The following GOLT1B variants were observed in gnomAD, a reference collection of about 807,000 sequenced individuals.
GOLT1B encodes the protein golgi transport 1B, also known as vesicle transport protein GOT1B.
In GOLT1B, 3 loss-of-function variants were observed where a neutral mutation model predicts 15.4. That is an observed-to-expected ratio of 0.19 (90% CI 0.09 to 0.50). GOLT1B has a LOEUF of 0.50. Among genes scored for constraint, GOLT1B ranks in the 20% least tolerant of loss-of-function variants. GOLT1B has a pLI of 0.97. For missense variants in GOLT1B, 145 were observed against 160.4 expected (o/e 0.90, Z 0.52); for synonymous variants, 65 against 56.2 (o/e 1.16, Z -0.70).
intron 4 of GOLT1B, among the ~76,000 whole-genome samples, chr12:21,513,501 CTTTG>C (rs1943734927): frequency 6.6e-6 from 1 of 151,256 alleles, no homozygotes; most frequent in Admixed American, 6.6e-5. Flanking sequence ...CTGTTTTTTT[CTTTG>C]TTTTTGTTTT....
chr12:21,504,395 C>G (rs1444296080), intron 1 of GOLT1B, among the ~76,000 whole-genome samples: 1 of 152,160 alleles, frequency 6.6e-6, no homozygotes, highest in Non-Finnish European at 1.5e-5. Flanking sequence ...AGACTTTTGA[C>G]CAGTGTGGAT....
In GOLT1B at chr12:21,515,927, G is replaced by A; in HGVS notation, c.*220G>A. ...AAGAAGAAGTCAGCAAGCAAACTGA[G>A]AGAGGTGAAATCCATGTTAATGATG... On this transcript the variant is annotated 3_prime_UTR_variant, in exon 5 of 5. Transcript: ENST00000229314. 8 of 440,250 alleles carry A rather than the reference G, an allele frequency of 1.8e-5. No individual in the cohort carries two copies. Among genetic ancestry groups the A allele is most frequent in the Non-Finnish European group, 3.2e-5 (8 of 252,550 alleles). The allele number at this position is 440,250 out of a possible 1,614,324, so 27.3% of individuals were successfully genotyped here.
At chr12:21,501,988 C>T (rs779125799) in intron 1 of GOLT1B, 40 bp downstream of exon 1, 3 of 1,487,738 alleles carry the variant, frequency 2.0e-6, no homozygotes, top group Admixed American at 3.4e-5. Flanking sequence ...GAGCCGCGCA[C>T]ACCCATCGCC....
At chr12:21,506,779 T>C (rs1487474779) in intron 1 of GOLT1B, 106 bp from the exon 2 acceptor site, 1 of 547,450 alleles carries the variant, frequency 1.8e-6, no homozygotes, top group African/African-American at 1.9e-5. Flanking sequence ...TGGGTACCTG[T>C]TTTCTTATAC....
chr12:21,518,085 GA>G lies in GOLT1B; in HGVS notation c.*2379del, dbSNP rs1231247581. 1 of 152,428 alleles carries G rather than the reference GA, an allele frequency of 6.6e-6. No individual in the cohort carries two copies. Among genetic ancestry groups the G allele is most frequent in the East Asian group, 1.9e-4 (1 of 5,194 alleles). The allele number at this position is 152,428 out of a possible 1,614,324, so 9.4% of individuals were successfully genotyped here. A position where few individuals can be genotyped will look rare whatever the true frequency, so the allele number is the denominator to read the frequency against. On this transcript the variant is annotated 3_prime_UTR_variant, in exon 5 of 5. Transcript: ENST00000229314. ...GCTGCTTTAAAAAGTCCCACTGTCA[GA>G]TTATATTATCTAACAATTGAATATT... is the stretch of plus-strand genomic sequence containing the variant.
rs1317306219 is a variant in GOLT1B, at chr12:21,508,897, A to ATAGC, written c.296+339_296+340insCTAG. On this transcript the variant is annotated intron_variant, in intron 3 of 4. Coordinates refer to ENST00000229314, the MANE Select transcript of GOLT1B (RefSeq NM_016072.5). ...AATCGGTAGGTAGGTAGGTAGATAG[A>ATAGC]TAGATAGATAGATAGATAGATAGAT... is the stretch of plus-strand genomic sequence containing the variant. 6.2e-5 allele frequency among the ~76,000 whole-genome samples: 7 copies of ATAGC among 112,144 alleles called. No homozygotes were observed. The East Asian group carries it at 2.8e-3, about 45-fold the overall frequency. 73.6% of individuals were successfully genotyped at this position (112,144 alleles called of 152,430 possible). A position where few individuals can be genotyped will look rare whatever the true frequency, so the allele number is the denominator to read the frequency against.
intron 3 of GOLT1B, among the ~76,000 whole-genome samples, chr12:21,509,396 C>CAAAAAAAAA (rs71053318): frequency 6.8e-5 from 5 of 74,036 alleles, no homozygotes; most frequent in African/African-American, 2.8e-4. Context: ...GACTCTGTCT[C>CAAAAAAAAA]AAAAAAAAAA....
intron 2 of GOLT1B, chr12:21,507,849 A>G (rs970728598): frequency 1.2e-5 from 5 of 414,148 alleles, no homozygotes; most frequent in Admixed American, 8.7e-5. Context: ...TGCTGCCACC[A>G]GATATTCTAG....
At chr12:21,502,042 T>A in intron 1 of GOLT1B, 94 bp downstream of exon 1, 1 of 904,698 alleles carries the variant, frequency 1.1e-6, no homozygotes. Context: ...AATGAAGCTC[T>A]GGGTTGGGGG....
At position 21,503,120 on chromosome 12, in the gene GOLT1B, G is replaced by A. The variant is rs762318551; in HGVS notation, c.25+1172G>A. Among the ~76,000 whole-genome samples, 9 of 152,298 alleles carry A rather than the reference G, an allele frequency of 5.9e-5. No homozygotes were observed. The South Asian group carries it at 1.5e-3, about 25-fold the overall frequency. ...GGTTGCCGCCCACTTTGGTCCATTG[G>A]CCTGGCCTGTTCTGATCAAAGAAAA... is the stretch of plus-strand genomic sequence containing the variant. On this transcript the variant is annotated intron_variant, in intron 1 of 4. Coordinates refer to ENST00000229314, the MANE Select transcript of GOLT1B (RefSeq NM_016072.5).
intron 4 of GOLT1B, 29 bp downstream of exon 4, chr12:21,512,405 C>A (rs367921697): frequency 2.0e-6 from 2 of 988,194 alleles, no homozygotes; most frequent in East Asian, 2.4e-5. Flanking sequence ...TTTAGGCCAA[C>A]AAAATACGTA....
In GOLT1B at chr12:21,516,573, CATGTCATG is replaced by C. The variant is rs1943757311; in HGVS notation, c.*871_*878del. On this transcript the variant is annotated 3_prime_UTR_variant, in exon 5 of 5. Coordinates refer to ENST00000229314, the MANE Select transcript of GOLT1B (RefSeq NM_016072.5). ...TGATGCAAACCAAATGGATTTTTTCCATGTCATGATGTAATTTTTCTTTCTTCTTTCTT... is the reference window on the plus strand; with the variant it reads ...TGATGCAAACCAAATGGATTTTTTCCATGTAATTTTTCTTTCTTCTTTCTT... 1 of 151,842 alleles carries C rather than the reference CATGTCATG, an allele frequency of 6.6e-6. No individual in the cohort carries two copies. Among genetic ancestry groups the C allele is most frequent in the African/African-American group, 2.4e-5 (1 of 41,370 alleles). 9.4% of individuals were successfully genotyped at this position (151,842 alleles called of 1,614,324 possible). A position where few individuals can be genotyped will look rare whatever the true frequency, so the allele number is the denominator to read the frequency against.
rs551539207 is a variant in GOLT1B, at chr12:21,517,389, A to G, written c.*1682A>G. ...ATAATAAGAGGCTACTGTTGTGTCT[A>G]ATGTTCTTCAAAAAAGTAATATCCT... On this transcript the variant is annotated 3_prime_UTR_variant, in exon 5 of 5. Coordinates refer to ENST00000229314, the MANE Select transcript of GOLT1B (RefSeq NM_016072.5). 6.6e-6 allele frequency: 1 copy of G among 152,542 alleles called. No individual in the cohort carries two copies. The highest frequency in any genetic ancestry group is 2.4e-5 in the African/African-American group (1 of 41,544). 9.4% of individuals were successfully genotyped at this position (152,542 alleles called of 1,614,324 possible). A position where few individuals can be genotyped will look rare whatever the true frequency, so the allele number is the denominator to read the frequency against.
At position 21,515,758 on chromosome 12, in the gene GOLT1B, C is replaced by T; in HGVS notation, c.*51C>T. 2.4e-6 allele frequency: 2 copies of T among 825,144 alleles called. No homozygotes were observed. Among genetic ancestry groups the T allele is most frequent in the South Asian group, 1.5e-5 (1 of 65,468 alleles). The allele number at this position is 825,144 out of a possible 1,614,324, so 51.1% of individuals were successfully genotyped here. ...TAAAATATTGTGTTATTTATAAAGT[C>T]ATTTGAAGAATATTCAGCACAAAAT... On this transcript the variant is annotated 3_prime_UTR_variant, in exon 5 of 5. Coordinates refer to ENST00000229314, the MANE Select transcript of GOLT1B (RefSeq NM_016072.5).
rs1943751186 is a variant in GOLT1B, at chr12:21,515,735, A to T, written c.*28A>T. The T allele has an allele frequency of 1.0e-6, 1 of 986,296 alleles. No homozygotes were observed. The highest frequency in any genetic ancestry group is 2.0e-5 in the Admixed American group (1 of 50,968). The allele number at this position is 986,296 out of a possible 1,614,324, so 61.1% of individuals were successfully genotyped here. ...ACAAGTGAATTTGAAGACTCATTTA[A>T]AATATTGTGTTATTTATAAAGTCAT... On this transcript the variant is annotated 3_prime_UTR_variant, in exon 5 of 5. Coordinates refer to ENST00000229314, the MANE Select transcript of GOLT1B (RefSeq NM_016072.5).
chr12:21,508,301 A>G, intron 2 of GOLT1B, 82 bp from the exon 3 acceptor site: 3 of 826,396 alleles, frequency 3.6e-6, no homozygotes, highest in Admixed American at 3.1e-5. Context: ...TTCTTTTTTT[A>G]TATTTAGCTT....
At position 21,506,961 on chromosome 12, in the gene GOLT1B, A is replaced by T; in HGVS notation, c.102A>T (p.Leu34=). 1 of 1,366,136 alleles carries T rather than the reference A, an allele frequency of 7.3e-7. No homozygotes were observed. The highest frequency in any genetic ancestry group is 1.7e-5 in the Admixed American group (1 of 58,966). 84.6% of individuals were successfully genotyped at this position (1,366,136 alleles called of 1,614,324 possible). Residue 34 remains leucine, a synonymous_variant, in exon 2 of 5, where the codon CTA becomes CTT. Coordinates refer to ENST00000229314, the MANE Select transcript of GOLT1B (RefSeq NM_016072.5). The part of the protein sequence containing the change: ...FGMILFFDKA[L]LAIGNVLFVA... ...TGATTCTCTTTTTTGACAAAGCACT[A>T]CTGGCTATTGGAAATGTGAGTTTTT...
In GOLT1B at chr12:21,518,162, G is replaced by A. The variant is rs1446282084; in HGVS notation, c.*2455G>A. The A allele has an allele frequency of 2.0e-5, 3 of 151,986 alleles. No homozygotes were observed. The highest frequency in any genetic ancestry group is 4.4e-5 in the Non-Finnish European group (3 of 67,958). The allele number at this position is 151,986 out of a possible 1,614,324, so 9.4% of individuals were successfully genotyped here. Reference sequence around the variant, plus strand: ...ATAAAAGGGTACTTTTCTATTAATTGGTGGTCAAGTATATCTGTGTTATGA... The same window carrying A: ...ATAAAAGGGTACTTTTCTATTAATTAGTGGTCAAGTATATCTGTGTTATGA... On this transcript the variant is annotated 3_prime_UTR_variant, in exon 5 of 5. Transcript: ENST00000229314.
chr12:21,502,013 C>T, intron 1 of GOLT1B, 65 bp downstream of exon 1: 1 of 1,170,298 alleles, frequency 8.5e-7, no homozygotes, highest in Non-Finnish European at 1.3e-6. Context: ...TGGGTCTCGC[C>T]CCTCCGCCGG....
Sources: gnomAD v4.1 joint callset for allele counts (sites outside exome capture counted in the v4.1 genomes callset) on GRCh38, gnomAD v4.1.1 for gene constraint, MANE v1.5 for transcripts, NCBI Gene and HGNC (gene_info 2026-07-23, HGNC 2026-07-21) for gene names.